The following SLC17A8 variants were observed in gnomAD, a reference collection of about 807,000 sequenced individuals.
The protein encoded by SLC17A8 is solute carrier family 17 member 8.
SLC17A8 carries 31 observed loss-of-function variants against 58.0 expected under a neutral mutation model. The observed-to-expected ratio is 0.53, with a 90% CI of 0.40 to 0.72. The LOEUF (loss-of-function observed/expected upper bound fraction) is 0.72. Among genes scored for constraint, SLC17A8 ranks in the 30% least tolerant of loss-of-function variants. The probability of loss-of-function intolerance (pLI) is 0.00; values close to 1 mark genes in which losing one functional copy is unlikely to be tolerated. For missense variants in SLC17A8, 655 were observed against 727.8 expected (o/e 0.90, Z 1.15); for synonymous variants, 228 against 249.0 (o/e 0.92, Z 0.79).
chr12:100,366,118 T>A (rs1952519520), intron 1 of SLC17A8, among the ~76,000 whole-genome samples: 1 of 144,372 alleles, frequency 6.9e-6, no homozygotes, highest in Admixed American at 7.3e-5. Context: ...CAATGGGGGC[T>A]ACCACCCCTG....
intron 2 of SLC17A8, among the ~76,000 whole-genome samples, chr12:100,389,560 T>C (rs1311184015): frequency 4.0e-5 from 6 of 151,732 alleles, no homozygotes; most frequent in African/African-American, 1.5e-4. Context: ...GTGTTTTTTC[T>C]CTCTGTGTAT....
chr12:100,371,802 G>A (rs1262309813), intron 1 of SLC17A8, among the ~76,000 whole-genome samples: 1 of 152,170 alleles, frequency 6.6e-6, no homozygotes, highest in Non-Finnish European at 1.5e-5. Flanking sequence ...ACCTGCCTTG[G>A]CCTTCCAAAT....
intron 5 of SLC17A8, 39 bp from the exon 6 acceptor site, chr12:100,401,738 G>T (rs1384969243): frequency 1.3e-6 from 2 of 1,485,164 alleles, no homozygotes; most frequent in East Asian, 2.3e-5. Flanking sequence ...AGGCTTGCAT[G>T]ATGATTGGTC....
intron 2 of SLC17A8, among the ~76,000 whole-genome samples, chr12:100,387,630 T>C (rs1216840744): frequency 6.6e-6 from 1 of 152,180 alleles, no homozygotes; most frequent in East Asian, 1.9e-4. Context: ...TAGTTCTCCC[T>C]CTGTCTTGGA....
intron 9 of SLC17A8, among the ~76,000 whole-genome samples, chr12:100,404,960 G>A (rs1262980933): frequency 6.6e-6 from 1 of 152,228 alleles, no homozygotes; most frequent in African/African-American, 2.4e-5. Flanking sequence ...GCGAGCAGGA[G>A]GTAGAGGATA....
chr12:100,386,720 A>T (rs1381201165), intron 2 of SLC17A8, among the ~76,000 whole-genome samples: 2 of 128,848 alleles, frequency 1.6e-5, no homozygotes, highest in African/African-American at 6.0e-5. Flanking sequence ...ATGGGGTCTT[A>T]CTCTGTCACC....
At chr12:100,376,020 G>A (rs770067779) in intron 1 of SLC17A8, among the ~76,000 whole-genome samples, 1 of 152,038 alleles carries the variant, frequency 6.6e-6, no homozygotes, top group East Asian at 1.9e-4. Flanking sequence ...GGCCCTAATC[G>A]AATATGACTG....
chr12:100,382,670 A>T (rs1952645996), intron 2 of SLC17A8, among the ~76,000 whole-genome samples: 1 of 152,206 alleles, frequency 6.6e-6, no homozygotes, highest in Non-Finnish European at 1.5e-5. Flanking sequence ...AGGCAGTGCG[A>T]GACCTGGAGC....
At chr12:100,411,387 G>A (rs1424186091) in intron 9 of SLC17A8, among the ~76,000 whole-genome samples, 1 of 152,244 alleles carries the variant, frequency 6.6e-6, no homozygotes, top group African/African-American at 2.4e-5. Context: ...GGCTGAGGCA[G>A]GAGAATCATT....
chr12:100,392,437 A>C (rs951593004), intron 3 of SLC17A8, among the ~76,000 whole-genome samples: 10 of 152,324 alleles, frequency 6.6e-5, no homozygotes, highest in Admixed American at 3.9e-4. Flanking sequence ...TATTTTGTTT[A>C]TGGGTTAAGG....
Position 100,357,188 on chromosome 12 carries a change from G to A in SLC17A8, c.-204G>A, listed in dbSNP as rs59543127. ...CTTGGACTCTTTTTTGGAGGGGTGGGGAGCAGAGAGAGGAGGGAGTTGTCT... is the reference window on the plus strand; with the variant it reads ...CTTGGACTCTTTTTTGGAGGGGTGGAGAGCAGAGAGAGGAGGGAGTTGTCT... On this transcript the variant is annotated 5_prime_UTR_variant, in exon 1 of 12. Transcript: ENST00000323346. The A allele has an allele frequency of 3.5e-4, 191 of 549,430 alleles. 1 individual carries two copies. Among genetic ancestry groups the A allele is most frequent in the African/African-American group, 3.2e-3 (168 of 52,774 alleles). The allele number at this position is 549,430 out of a possible 1,614,324, so 34.0% of individuals were successfully genotyped here.
At chr12:100,417,099 T>A (rs924142066) in intron 10 of SLC17A8, among the ~76,000 whole-genome samples, 2 of 152,130 alleles carry the variant, frequency 1.3e-5, no homozygotes, top group Non-Finnish European at 2.9e-5. Context: ...AGAGGTGAGG[T>A]TTTGCCATGT....
At chr12:100,363,449 C>G (rs143622165) in intron 1 of SLC17A8, among the ~76,000 whole-genome samples, 2,117 of 152,222 alleles carry the variant, frequency 0.014, 48 homozygotes, top group African/African-American at 0.049. Flanking sequence ...CTCACTGCAA[C>G]CTCTGCCTCC....
intron 3 of SLC17A8, 63 bp from the exon 4 acceptor site, chr12:100,393,306 C>A: frequency 9.1e-7 from 1 of 1,096,040 alleles, no homozygotes; most frequent in African/African-American, 1.5e-5. Context: ...GTTTCTGGTG[C>A]TTAGCTGAAG....
At chr12:100,409,428 C>T (rs992331338) in intron 9 of SLC17A8, among the ~76,000 whole-genome samples, 1 of 152,118 alleles carries the variant, frequency 6.6e-6, no homozygotes, top group Non-Finnish European at 1.5e-5. Flanking sequence ...TCAGGTGATC[C>T]GCCTGCCTCG....
At chr12:100,379,732 C>T (rs951747233) in intron 1 of SLC17A8, among the ~76,000 whole-genome samples, 3 of 151,736 alleles carry the variant, frequency 2.0e-5, no homozygotes, top group African/African-American at 7.3e-5. Context: ...GATAAATTCA[C>T]TGTAATGAAT....
chr12:100,409,972 GT>G (rs1304204227), intron 9 of SLC17A8, among the ~76,000 whole-genome samples: 1 of 152,202 alleles, frequency 6.6e-6, no homozygotes, highest in Non-Finnish European at 1.5e-5. Flanking sequence ...TGACAAACAC[GT>G]TAAGCACAGG....
At chr12:100,398,213 G>A (rs1454719191) in intron 5 of SLC17A8, among the ~76,000 whole-genome samples, 1 of 152,138 alleles carries the variant, frequency 6.6e-6, no homozygotes, top group Non-Finnish European at 1.5e-5. Context: ...TGCCTCGTTG[G>A]GAATTGCATG....
At chr12:100,357,542 C>T (rs373999672) in intron 1 of SLC17A8, 50 bp downstream of exon 1, 12 of 1,203,086 alleles carry the variant, frequency 1.0e-5, no homozygotes, top group Non-Finnish European at 1.4e-5. Flanking sequence ...CTTCGTATTG[C>T]CAATGTGTGA....
Sources: gnomAD v4.1 joint callset for allele counts (sites outside exome capture counted in the v4.1 genomes callset) on GRCh38, gnomAD v4.1.1 for gene constraint, MANE v1.5 for transcripts, NCBI Gene and HGNC (gene_info 2026-07-23, HGNC 2026-07-21) for gene names.